The following PLB1 variants were observed in gnomAD, a reference collection of about 807,000 sequenced individuals.
PLB1 encodes the protein phospholipase B1, also known as phospholipase B1, membrane-associated.
In PLB1, 242 loss-of-function variants were observed where a neutral mutation model predicts 227.4. The ratio of observed to expected loss-of-function variants is 1.06; its 90% confidence interval spans 0.96 to 1.18. PLB1 has a LOEUF of 1.18. Ranked by LOEUF, PLB1 falls within the 50% of genes most tolerant of loss-of-function variation. The probability of loss-of-function intolerance (pLI) is 0.00; values close to 1 mark genes in which losing one functional copy is unlikely to be tolerated. For synonymous variants in PLB1, 757 were observed against 682.2 expected (o/e 1.11, Z -1.71); for missense variants, 1,858 against 1,816.3 (o/e 1.02, Z -0.42).
In PLB1 at chr2:28,614,061, A is replaced by T. The variant is rs1177461628; in HGVS notation, c.3160A>T (p.Ser1054Cys). ...NEPFLRTPRN[S>C]NYTYPIKPAI... Reference sequence around the variant, plus strand: ...GCCCTTCCTGAGAACCCCTCGGAATAGTAACTACACGTACCCCATCAAGCC... The same window carrying T: ...GCCCTTCCTGAGAACCCCTCGGAATTGTAACTACACGTACCCCATCAAGCC... Residue 1054 changes from serine to cysteine, a missense_variant, in exon 44 of 58, where the codon AGT becomes TGT. Ser to Cys is a moderately radical substitution (Grantham distance 112). Transcript: ENST00000327757. The T allele has an allele frequency of 1.9e-6, 3 of 1,613,224 alleles. No individual in the cohort carries two copies. The highest frequency in any genetic ancestry group is 1.7e-6 in the Non-Finnish European group (2 of 1,179,426).
In PLB1 at chr2:28,624,259, T is replaced by C. The variant is rs77259335; in HGVS notation, c.3528-798T>C. The stretch of plus-strand genomic sequence containing the variant: ...ACCCCAGGCAACCACTAACCTTCTT[T>C]CCATCACAATAGATTAGTTTGCATT... On this transcript the variant is annotated intron_variant, in intron 49 of 57. Transcript: ENST00000327757. Among the ~76,000 whole-genome samples, 977 of 152,304 alleles carry C rather than the reference T, an allele frequency of 6.4e-3. 5 individuals are homozygous for C. The highest frequency in any genetic ancestry group is 0.011 in the Admixed American group (167 of 15,288).
intron 19 of PLB1, 42 bp downstream of exon 19, chr2:28,565,395 C>T (rs1430794614): frequency 6.5e-7 from 1 of 1,544,196 alleles, no homozygotes; most frequent in Non-Finnish European, 8.9e-7. Context: ...CCCTTCATTG[C>T]AGAGCAAGGG....
intron 16 of PLB1, among the ~76,000 whole-genome samples, chr2:28,551,399 G>C (rs1674233555): frequency 6.6e-6 from 1 of 152,214 alleles, no homozygotes; most frequent in African/African-American, 2.4e-5. Flanking sequence ...TCCCAGAGAA[G>C]GGGGGACTGA....
chr2:28,597,742 T>C (rs1683196295), intron 33 of PLB1, among the ~76,000 whole-genome samples: 1 of 152,170 alleles, frequency 6.6e-6, no homozygotes, highest in African/African-American at 2.4e-5. Context: ...GGGCACATAG[T>C]ATATACTCAG....
chr2:28,541,212 C>T lies in PLB1; in HGVS notation c.775-495C>T, dbSNP rs965475812. Among the ~76,000 whole-genome samples the T allele has an allele frequency of 8.6e-4, 109 of 126,726 alleles. 2 individuals carry two copies. The highest frequency in any genetic ancestry group is 3.4e-4 in the Non-Finnish European group (21 of 60,974). 83.1% of individuals were successfully genotyped at this position (126,726 alleles called of 152,430 possible). A position where few individuals can be genotyped will look rare whatever the true frequency, so the allele number is the denominator to read the frequency against. On this transcript the variant is annotated intron_variant, in intron 12 of 57. Coordinates refer to ENST00000327757, the MANE Select transcript of PLB1 (RefSeq NM_153021.5). ...AAATAAATAAATAAATAAATAAGGG[C>T]GAAGGGCTCAATGAAAGCCACCATC...
At chr2:28,636,401 C>T (rs561309689) in intron 56 of PLB1, among the ~76,000 whole-genome samples, 51 of 152,158 alleles carry the variant, frequency 3.4e-4, no homozygotes, top group African/African-American at 1.2e-3. Flanking sequence ...CCTACAGCCA[C>T]TTTGGAAAAT....
chr2:28,614,919 C>T (rs1685979777), intron 44 of PLB1, among the ~76,000 whole-genome samples: 1 of 152,196 alleles, frequency 6.6e-6, no homozygotes, highest in Non-Finnish European at 1.5e-5. Context: ...GATCCCGGCC[C>T]TCACGTAGCT....
chr2:28,568,078 T>A (rs12990525), intron 20 of PLB1, among the ~76,000 whole-genome samples: 1 of 152,078 alleles, frequency 6.6e-6, no homozygotes, highest in South Asian at 2.1e-4. Flanking sequence ...CAGACTTCAC[T>A]TTATCTGTTT....
At chr2:28,496,282 C>T in intron 1 of PLB1, 113 bp downstream of exon 1, 1 of 1,060,464 alleles carries the variant, frequency 9.4e-7, no homozygotes, top group Non-Finnish European at 1.4e-6. Context: ...AGATAAAGCA[C>T]AAAGCGTACA....
chr2:28,581,823 T>C (rs762599443), intron 23 of PLB1, among the ~76,000 whole-genome samples: 2 of 151,932 alleles, frequency 1.3e-5, no homozygotes, highest in Admixed American at 6.6e-5. Flanking sequence ...TAGCCAGGTG[T>C]GGTGGCACGC....
chr2:28,622,091 G>A (rs6704992), intron 49 of PLB1, among the ~76,000 whole-genome samples: 34,893 of 152,190 alleles, frequency 0.23, 4,312 homozygotes, highest in East Asian at 0.34. Flanking sequence ...AATGTTAGGG[G>A]AAAGGAAAGT....
At chr2:28,577,093 C>G (rs1679088817) in intron 21 of PLB1, among the ~76,000 whole-genome samples, 1 of 152,186 alleles carries the variant, frequency 6.6e-6, no homozygotes, top group African/African-American at 2.4e-5. Flanking sequence ...ATTTCCCCAA[C>G]AACTCTGTGA....
chr2:28,566,824 G>A lies in PLB1; in HGVS notation c.1309G>A (p.Val437Ile). The A allele has an allele frequency of 6.2e-7, 1 of 1,613,962 alleles. No individual in the cohort carries two copies. The highest frequency in any genetic ancestry group is 2.2e-5 in the East Asian group (1 of 44,850). The part of the protein sequence containing the change: ...SVGGDENIGT[V>I]TTLANILREF... ...CGGCGGAGATGAGAACATCGGCACCGTTACCACCCTGGCGAGTGAGTACGC... is the reference window on the plus strand; with the variant it reads ...CGGCGGAGATGAGAACATCGGCACCATTACCACCCTGGCGAGTGAGTACGC... The change falls in exon 20 of 58, where the codon GTT becomes ATT. Residue 437 changes from valine to isoleucine, a missense_variant. Physicochemically the swap from Val to Ile is conservative, Grantham distance 29. Coordinates refer to ENST00000327757, the MANE Select transcript of PLB1 (RefSeq NM_153021.5).
intron 17 of PLB1, among the ~76,000 whole-genome samples, chr2:28,556,805 G>T (rs2148229861): frequency 6.6e-6 from 1 of 152,292 alleles, no homozygotes; most frequent in East Asian, 1.9e-4. Flanking sequence ...ATTACATGCT[G>T]CTGTCACCAA....
In PLB1 at chr2:28,606,466, AC is replaced by A. The variant is rs1222466008; in HGVS notation, c.3058-27del. 1.9e-6 allele frequency: 3 copies of A among 1,598,840 alleles called. No individual in the cohort carries two copies. In the Admixed American group the frequency reaches 5.0e-5, roughly 27 times the overall value. On this transcript the variant is annotated intron_variant, in intron 42 of 57. Coordinates refer to ENST00000327757, the MANE Select transcript of PLB1 (RefSeq NM_153021.5). ...CACTTCCATGGAAACAAACTACTAC[AC>A]CCGTGTCTCTCTTTTCTTCCCTGAT...
chr2:28,539,840 G>A (rs573439227), intron 11 of PLB1, among the ~76,000 whole-genome samples: 4 of 151,854 alleles, frequency 2.6e-5, no homozygotes, highest in Non-Finnish European at 5.9e-5. Flanking sequence ...AGGACTGAGA[G>A]ATGAAGGGGG....
At chr2:28,542,154 G>A (rs1292259309) in intron 13 of PLB1, among the ~76,000 whole-genome samples, 1 of 147,430 alleles carries the variant, frequency 6.8e-6, no homozygotes, top group Non-Finnish European at 1.5e-5. Context: ...AAAAAAGTGT[G>A]AAGAGTGTGG....
chr2:28,612,168 G>C (rs1252379374), intron 43 of PLB1, among the ~76,000 whole-genome samples: 1 of 152,080 alleles, frequency 6.6e-6, no homozygotes, highest in Admixed American at 6.6e-5. Flanking sequence ...AAGAAAGAAA[G>C]GATATCGGTT....
intron 27 of PLB1, 35 bp downstream of exon 27, chr2:28,589,589 C>T (rs759821211): frequency 1.4e-5 from 23 of 1,610,778 alleles, no homozygotes; most frequent in Non-Finnish European, 2.0e-5. Context: ...AAATAGAATC[C>T]ACAGATAGTG....
Sources: gnomAD v4.1 joint callset for allele counts (sites outside exome capture counted in the v4.1 genomes callset) on GRCh38, gnomAD v4.1.1 for gene constraint, MANE v1.5 for transcripts, NCBI Gene and HGNC (gene_info 2026-07-23, HGNC 2026-07-21) for gene names.